CNTNAP4: variants seen among roughly 807,000 people sequenced by gnomAD.
CNTNAP4 encodes contactin associated protein family member 4.
Under a neutral mutation model 148.4 loss-of-function variants are expected in CNTNAP4, and 98 were observed. That is an observed-to-expected ratio of 0.66 (90% CI 0.56 to 0.78). The LOEUF (loss-of-function observed/expected upper bound fraction) is 0.78, where lower values mean the gene tolerates loss of function less well. Ranked by LOEUF, CNTNAP4 falls within the 30% of genes least tolerant of loss-of-function variation. CNTNAP4 has a pLI of 0.00. For synonymous variants in CNTNAP4, 730 were observed against 565.1 expected, an observed-to-expected ratio of 1.29 and a Z score of -4.14; for missense variants, 1,935 against 1,565.6, an observed-to-expected ratio of 1.24 and a Z score of -3.98.
At chr16:76,510,408 C>T (rs2082965420) in intron 15 of CNTNAP4, among the ~76,000 whole-genome samples, 1 of 151,684 alleles carries the variant, frequency 6.6e-6, no homozygotes, top group Non-Finnish European at 1.5e-5. Flanking sequence ...AGTTCATGGA[C>T]ATTTGGGCTG....
intron 1 of CNTNAP4, among the ~76,000 whole-genome samples, chr16:76,306,732 T>C (rs1960515186): frequency 6.6e-6 from 1 of 152,220 alleles, no homozygotes; most frequent in Admixed American, 6.5e-5. Flanking sequence ...AAATCCTTGA[T>C]GAGAACACAC....
chr16:76,467,396 G>A lies in CNTNAP4; in HGVS notation c.1528G>A (p.Gly510Ser). 1 of 1,613,890 alleles carries A rather than the reference G, an allele frequency of 6.2e-7. No homozygotes were observed. Among genetic ancestry groups the A allele is most frequent in the Non-Finnish European group, 8.5e-7 (1 of 1,179,862 alleles). Residue 510 changes from glycine to serine, a missense_variant, in exon 10 of 24, where the codon GGT (glycine) becomes AGT (serine). Transcript: ENST00000611870. ...SFGSKCKSPLGGFQGCMRLIS... is the reference protein window; with the variant it reads ...SFGSKCKSPLSGFQGCMRLIS... ...TGGATCCAAATGTAAAAGTCCACTT[G>A]GTGGATTTCAGGGATGTATGAGGCT...
chr16:76,409,846 A>T (rs749325127), intron 3 of CNTNAP4, among the ~76,000 whole-genome samples: 2 of 151,896 alleles, frequency 1.3e-5, no homozygotes, highest in African/African-American at 2.4e-5. Flanking sequence ...GAGATTAATA[A>T]ACTGTCTGTA....
chr16:76,343,174 A>G (rs1409697962), intron 2 of CNTNAP4, among the ~76,000 whole-genome samples: 2 of 151,490 alleles, frequency 1.3e-5, no homozygotes, highest in African/African-American at 4.9e-5. Context: ...AGCTGGAAGC[A>G]CTGCTTTATT....
chr16:76,358,109 G>A (rs536104178), intron 3 of CNTNAP4, among the ~76,000 whole-genome samples: 1 of 152,300 alleles, frequency 6.6e-6, no homozygotes, highest in Non-Finnish European at 1.5e-5. Context: ...CAAGGTGGAA[G>A]GATCACTTGA....
At position 76,359,048 on chromosome 16, in the gene CNTNAP4, T is replaced by C. The variant is rs2013071461; in HGVS notation, c.390+3537T>C. Among the ~76,000 whole-genome samples the C allele has an allele frequency of 2.0e-5, 3 of 152,240 alleles. No individual in the cohort carries two copies. The South Asian group carries it at 6.2e-4, about 31-fold the overall frequency. The stretch of plus-strand genomic sequence containing the variant: ...AATATGGTGAATTGTGCCCTGTCTC[T>C]TGACTTTTCTGCCTGGAAGAACACA... On this transcript the variant is annotated intron_variant, in intron 3 of 23. Transcript: ENST00000611870.
intron 2 of CNTNAP4, among the ~76,000 whole-genome samples, chr16:76,323,985 C>T (rs1312859257): frequency 6.6e-6 from 1 of 152,210 alleles, no homozygotes; most frequent in African/African-American, 2.4e-5. Flanking sequence ...TGACAACGTA[C>T]TCTTCTTATG....
At chr16:76,525,591 T>G (rs1352074041) in intron 17 of CNTNAP4, among the ~76,000 whole-genome samples, 4 of 146,496 alleles carry the variant, frequency 2.7e-5, no homozygotes, top group Non-Finnish European at 6.0e-5. Flanking sequence ...ATAAAAAATT[T>G]TATATAACTA....
In CNTNAP4 at chr16:76,458,320, C is replaced by A. The variant is rs555127330; in HGVS notation, c.1334-3636C>A. 3.3e-5 allele frequency among the ~76,000 whole-genome samples: 5 copies of A among 152,172 alleles called. No homozygotes were observed. The South Asian group carries it at 1.0e-3, about 32-fold the overall frequency. ...CCTTTTTGGCACCAGGGACTGTTTT[C>A]ATGAAAGACAATTTTTCTAGGGACT... On this transcript the variant is annotated intron_variant, in intron 8 of 23. Coordinates refer to ENST00000611870, the MANE Select transcript of CNTNAP4 (RefSeq NM_033401.5).
chr16:76,420,969 C>G (rs558568059), intron 3 of CNTNAP4, among the ~76,000 whole-genome samples: 7 of 151,984 alleles, frequency 4.6e-5, no homozygotes, highest in Non-Finnish European at 7.4e-5. Flanking sequence ...CATATCATAT[C>G]CTAATATAAA....
chr16:76,334,531 C>G (rs1017435966), intron 2 of CNTNAP4, among the ~76,000 whole-genome samples: 4 of 152,166 alleles, frequency 2.6e-5, no homozygotes, highest in African/African-American at 9.7e-5. Flanking sequence ...AACTCTAATA[C>G]TACAGTTAAA....
intron 3 of CNTNAP4, among the ~76,000 whole-genome samples, chr16:76,412,695 G>C (rs4267331): frequency 0.35 from 52,755 of 150,732 alleles, 10,850 homozygotes; most frequent in Non-Finnish European, 0.44. Context: ...TTCTCTCATT[G>C]CTTTGTAGTT....
Position 76,495,058 on chromosome 16 carries a change from G to C in CNTNAP4, c.2229G>C (p.Arg743=). 1 of 1,612,756 alleles carries C rather than the reference G, an allele frequency of 6.2e-7. No homozygotes were observed. Among genetic ancestry groups the C allele is most frequent in the Non-Finnish European group, 8.5e-7 (1 of 1,179,154 alleles). Reference sequence around the variant, plus strand: ...ATTACTGCAATTGTGATGCTGACCGGAATGAATGGTGATTTCCATATGATT... The same window carrying C: ...ATTACTGCAATTGTGATGCTGACCGCAATGAATGGTGATTTCCATATGATT... ...SQYYCNCDAD[R]NEWTNDTGLL... Residue 743 remains arginine (R), a synonymous_variant, in exon 14 of 24, where the codon CGG becomes CGC. Coordinates refer to ENST00000611870, the MANE Select transcript of CNTNAP4 (RefSeq NM_033401.5).
chr16:76,389,118 A>C lies in CNTNAP4; in HGVS notation c.390+33607A>C, dbSNP rs528139487. Among the ~76,000 whole-genome samples, 177 of 152,362 alleles carry C rather than the reference A, an allele frequency of 1.2e-3. 2 individuals carry two copies. The South Asian group carries it at 0.036, about 31-fold the overall frequency. On this transcript the variant is annotated intron_variant, in intron 3 of 23. Coordinates refer to ENST00000611870, the MANE Select transcript of CNTNAP4 (RefSeq NM_033401.5). ...AAATATATTGTCACTGTAGGAAATA[A>C]GGAAAATGAATATTGCTATATGTTA...
intron 15 of CNTNAP4, among the ~76,000 whole-genome samples, chr16:76,511,704 C>T (rs2083031785): frequency 6.6e-6 from 1 of 152,060 alleles, no homozygotes; most frequent in Non-Finnish European, 1.5e-5. Flanking sequence ...TTCTCTTCCT[C>T]TTTTTCTTCT....
chr16:76,455,079 T>C (rs1456673991), intron 8 of CNTNAP4, among the ~76,000 whole-genome samples: 1 of 152,226 alleles, frequency 6.6e-6, no homozygotes, highest in Non-Finnish European at 1.5e-5. Flanking sequence ...TAAATCATTT[T>C]TGAAATATTC....
chr16:76,299,329 G>A (rs1959677957), intron 1 of CNTNAP4, among the ~76,000 whole-genome samples: 1 of 152,154 alleles, frequency 6.6e-6, no homozygotes, highest in Non-Finnish European at 1.5e-5. Flanking sequence ...CAACAAATGG[G>A]CGAAGGATAT....
Position 76,514,802 on chromosome 16 carries a change from G to T in CNTNAP4, c.2366-6338G>T, listed in dbSNP as rs553064589. On this transcript the variant is annotated intron_variant, in intron 15 of 23. Coordinates refer to ENST00000611870, the MANE Select transcript of CNTNAP4 (RefSeq NM_033401.5). Reference sequence around the variant, plus strand: ...TTATGAAACCAATACATAGGTTATTGTGTTCTGATAATATAACATATAATT... The same window carrying T: ...TTATGAAACCAATACATAGGTTATTTTGTTCTGATAATATAACATATAATT... Among the ~76,000 whole-genome samples, 7 of 152,252 alleles carry T rather than the reference G, an allele frequency of 4.6e-5. No homozygotes were observed. In the South Asian group the frequency reaches 1.5e-3, roughly 32 times the overall value.
chr16:76,298,028 C>A (rs1383772734), intron 1 of CNTNAP4, among the ~76,000 whole-genome samples: 1 of 152,168 alleles, frequency 6.6e-6, no homozygotes, highest in African/African-American at 2.4e-5. Context: ...CGTCTCTTCA[C>A]ATAGTCACAA....
Sources: gnomAD v4.1 joint callset for allele counts (sites outside exome capture counted in the v4.1 genomes callset) on GRCh38, gnomAD v4.1.1 for gene constraint, MANE v1.5 for transcripts, NCBI Gene and HGNC (gene_info 2026-07-23, HGNC 2026-07-21) for gene names.